STK25: variants seen among roughly 807,000 people sequenced by gnomAD.
The protein encoded by STK25 is serine/threonine-protein kinase 25.
In STK25, 29 loss-of-function variants were observed where a neutral mutation model predicts 53.8. That is an observed-to-expected ratio of 0.54 (90% CI 0.40 to 0.74). The LOEUF (loss-of-function observed/expected upper bound fraction) is 0.74, where lower values mean the gene tolerates loss of function less well. STK25 is among the 30% of genes least tolerant of loss of function. The probability of loss-of-function intolerance (pLI) is 0.00; values close to 1 mark genes in which losing one functional copy is unlikely to be tolerated. For synonymous variants in STK25, 247 were observed against 238.3 expected (o/e 1.04, Z -0.33); for missense variants, 420 against 568.0 (o/e 0.74, Z 2.65).
rs375716573 is a variant in STK25 at position 241,493,298 on chromosome 2, C to T, written c.*2364G>A. ...GTCCCTATGCTGTCTTGCAGGATGA[C>T]TACCCACTGGCCAGCCTCCCGCTGC... On this transcript the variant is annotated 3_prime_UTR_variant, in exon 12 of 12. Coordinates refer to ENST00000316586, the MANE Select transcript of STK25 (RefSeq NM_001271977.2). The T allele has an allele frequency of 1.2e-6, 2 of 1,613,680 alleles. No homozygotes were observed. Among genetic ancestry groups the T allele is most frequent in the African/African-American group, 2.7e-5 (2 of 74,952 alleles).
rs1172112853 is a variant in STK25 at position 241,498,821 on chromosome 2, A to T, written c.772-37T>A. ...CAGGGGAACACTAGTCACTGGGCCC[A>T]GCCAAGCTCTGCCTAAGGGAAGCAA... On this transcript the variant is annotated intron_variant, in intron 7 of 11. Coordinates refer to ENST00000316586, the MANE Select transcript of STK25 (RefSeq NM_001271977.2). The T allele has an allele frequency of 2.5e-6, 4 of 1,612,624 alleles. No individual in the cohort carries two copies. In the Admixed American group the frequency reaches 6.7e-5, roughly 27 times the overall value.
At chr2:241,503,484 G>A (rs1426929382) in intron 2 of STK25, among the ~76,000 whole-genome samples, 6 of 151,202 alleles carry the variant, frequency 4.0e-5, no homozygotes, top group African/African-American at 7.3e-5. Flanking sequence ...AGGCCGAGGC[G>A]GGCAGATCAC....
intron 2 of STK25, among the ~76,000 whole-genome samples, chr2:241,503,540 G>A (rs2065633625): frequency 6.6e-6 from 1 of 151,126 alleles, no homozygotes. Flanking sequence ...GTGAAACCCC[G>A]TCTCTACTAA....
chr2:241,507,980 G>T, intron 2 of STK25, 26 bp downstream of exon 2: 4 of 1,583,430 alleles, frequency 2.5e-6, no homozygotes, highest in Non-Finnish European at 3.4e-6. Context: ...GAGGCCGCTA[G>T]TCTTCCTGAC....
rs558150226 is a variant in STK25, at chr2:241,496,634, T to C, written c.1105-100A>G. 3.6e-5 allele frequency: 50 copies of C among 1,389,720 alleles called. No homozygotes were observed. Among genetic ancestry groups the C allele is most frequent in the Middle Eastern group, 3.8e-4 (2 of 5,220 alleles). 86.1% of individuals were successfully genotyped at this position (1,389,720 alleles called of 1,614,324 possible). ...CAGTGATGCCGGAGGCCTTCAGGGC[T>C]CTCGCCTAGGAGCCACACCCGGGAG... On this transcript the variant is annotated intron_variant, in intron 10 of 11. Transcript: ENST00000316586. This position sits in a 1 kb window ranked among gnomAD's most constrained non-coding sequence, Gnocchi z 5.8.
At chr2:241,499,476 C>G in intron 5 of STK25, 62 bp from the exon 6 acceptor site, 2 of 1,566,738 alleles carry the variant, frequency 1.3e-6, no homozygotes, top group Non-Finnish European at 1.7e-6. Context: ...CCCGGGCCCC[C>G]TGAGAAGGGC....
chr2:241,498,460 G>A (rs976792940), intron 8 of STK25, 111 bp from the exon 9 acceptor site: 2 of 1,269,194 alleles, frequency 1.6e-6, no homozygotes, highest in Non-Finnish European at 2.2e-6. Context: ...ACGGGGCTCT[G>A]CCAGGCCACG....
At position 241,494,334 on chromosome 2, in the gene STK25, GC is replaced by G; in HGVS notation, c.*1327del. On this transcript the variant is annotated 3_prime_UTR_variant, in exon 12 of 12. Transcript: ENST00000316586. The surrounding 1 kb of genome is among the most constrained non-coding windows in gnomAD (Gnocchi z 4.9). Reference sequence around the variant, plus strand: ...TAGTGCATGCCAGCAGCTATCTGGGGCCCTGGGAAAAATGTGCGAGTCTTGA... The same window carrying G: ...TAGTGCATGCCAGCAGCTATCTGGGGCCTGGGAAAAATGTGCGAGTCTTGA... 1 of 385,452 alleles carries G rather than the reference GC, an allele frequency of 2.6e-6. No homozygotes were observed. The highest frequency in any genetic ancestry group is 3.8e-5 in the East Asian group (1 of 26,048). 23.9% of individuals were successfully genotyped at this position (385,452 alleles called of 1,614,324 possible). A position where few individuals can be genotyped will look rare whatever the true frequency, so the allele number is the denominator to read the frequency against.
At chr2:241,504,852 A>G (rs560716330) in intron 2 of STK25, among the ~76,000 whole-genome samples, 92 of 151,802 alleles carry the variant, frequency 6.1e-4, no homozygotes, top group African/African-American at 2.2e-3. Context: ...CTGGTGGAGG[A>G]CCACCCGTTC....
At chr2:241,497,548 C>G in intron 10 of STK25, 68 bp downstream of exon 10, 1 of 1,506,260 alleles carries the variant, frequency 6.6e-7, no homozygotes, top group South Asian at 1.1e-5. Flanking sequence ...AGGGAGACAT[C>G]TCCGTGCAAC....
In STK25 at chr2:241,493,534, C is replaced by T. The variant is rs1035327076; in HGVS notation, c.*2128G>A. The T allele has an allele frequency of 9.7e-6, 12 of 1,235,216 alleles. No individual in the cohort carries two copies. The Admixed American group carries it at 2.1e-4, about 22-fold the overall frequency. The allele number at this position is 1,235,216 out of a possible 1,614,324, so 76.5% of individuals were successfully genotyped here. A position where few individuals can be genotyped will look rare whatever the true frequency, so the allele number is the denominator to read the frequency against. On this transcript the variant is annotated 3_prime_UTR_variant, in exon 12 of 12. Transcript: ENST00000316586. The stretch of plus-strand genomic sequence containing the variant: ...ACTCATGGTGGTGGAGGCAAGTTTT[C>T]TGGGCCCTGGAAAGGAAGGGCTGAG...
chr2:241,506,744 G>A (rs1381952193), intron 2 of STK25, among the ~76,000 whole-genome samples: 1 of 152,158 alleles, frequency 6.6e-6, no homozygotes, highest in African/African-American at 2.4e-5. Context: ...TCCAACCTGG[G>A]CAACAAAAGC....
chr2:241,502,676 T>C (rs895035291), intron 2 of STK25, among the ~76,000 whole-genome samples: 6 of 151,310 alleles, frequency 4.0e-5, no homozygotes, highest in African/African-American at 9.7e-5. Flanking sequence ...GAAGCGGAGG[T>C]TGCGGTGAGC....
chr2:241,501,367 A>G lies in STK25; in HGVS notation c.261+111T>C, dbSNP rs373555006. 6.5e-5 allele frequency: 73 copies of G among 1,121,210 alleles called. 1 individual carries two copies. In the East Asian group the frequency reaches 9.0e-4, roughly 14 times the overall value. 69.5% of individuals were successfully genotyped at this position (1,121,210 alleles called of 1,614,324 possible). A position where few individuals can be genotyped will look rare whatever the true frequency, so the allele number is the denominator to read the frequency against. ...CAGGGCAGTTTCCCGGAGGGCATGC[A>G]CTGAACCGTCAAGACCGCCTTGCAC... On this transcript the variant is annotated intron_variant, in intron 3 of 11. Coordinates refer to ENST00000316586, the MANE Select transcript of STK25 (RefSeq NM_001271977.2). This position sits in a 1 kb window ranked among gnomAD's most constrained non-coding sequence, Gnocchi z 5.3.
At chr2:241,509,023 C>G (rs34424484), upstream of STK25, among the ~76,000 whole-genome samples, 153 of 152,362 alleles carry the variant, frequency 1.0e-3, no homozygotes, top group African/African-American at 3.6e-3. Flanking sequence ...GAGGATCCAC[C>G]GCGGCCGCCC....
chr2:241,505,625 T>A (rs905661), intron 2 of STK25, among the ~76,000 whole-genome samples: 58,945 of 152,024 alleles, frequency 0.39, 11,692 homozygotes, highest in Admixed American at 0.52. Flanking sequence ...GCAGCCCCGG[T>A]AGGGAAACCC....
In STK25 at chr2:241,501,910, G is replaced by A. The variant is rs1400608633; in HGVS notation, c.31-202C>T. ...TGGCCGGGCGTGGTGGCTCACGCCT[G>A]TAATTCTAGCACTTTGGGAGGCCGA... On this transcript the variant is annotated intron_variant, in intron 2 of 11. Coordinates refer to ENST00000316586, the MANE Select transcript of STK25 (RefSeq NM_001271977.2). The surrounding 1 kb of genome is among the most constrained non-coding windows in gnomAD (Gnocchi z 5.3). The A allele has an allele frequency of 5.6e-6, 3 of 538,546 alleles. No individual in the cohort carries two copies. The highest frequency in any genetic ancestry group is 3.8e-5 in the African/African-American group (2 of 52,434). The allele number at this position is 538,546 out of a possible 1,614,324, so 33.4% of individuals were successfully genotyped here. A position where few individuals can be genotyped will look rare whatever the true frequency, so the allele number is the denominator to read the frequency against.
At chr2:241,499,967 G>A (rs1192915400) in intron 5 of STK25, 3 of 670,950 alleles carry the variant, frequency 4.5e-6, no homozygotes, top group South Asian at 1.5e-5. Flanking sequence ...TCCACAGCTG[G>A]TTTCCTCAGC....
intron 2 of STK25, 34 bp downstream of exon 2, chr2:241,507,972 G>A (rs747332149): frequency 1.9e-6 from 3 of 1,560,494 alleles, no homozygotes; most frequent in Middle Eastern, 3.4e-4. Flanking sequence ...CTCGGTGAGA[G>A]GCCGCTAGTC....
Sources: allele counts gnomAD v4.1 joint callset (sites outside exome capture counted in the v4.1 genomes callset), GRCh38; gene constraint gnomAD v4.1.1; non-coding constraint Gnocchi (gnomAD v3.1); transcripts MANE v1.5; gene names NCBI Gene and HGNC (gene_info 2026-07-23, HGNC 2026-07-21).